Variants in TRIB3 observed in about 807,000 individuals in gnomAD.
TRIB3 encodes the protein tribbles pseudokinase 3.
TRIB3 carries 20 observed loss-of-function variants against 16.6 expected under a neutral mutation model. The observed-to-expected ratio is 1.20, with a 90% CI of 0.85 to 1.75. The LOEUF (loss-of-function observed/expected upper bound fraction) is 1.75, where lower values mean the gene tolerates loss of function less well. Ranked by LOEUF, TRIB3 falls within the 40% of genes most tolerant of loss-of-function variation. TRIB3 has a pLI of 0.00. For missense variants in TRIB3, 484 were observed against 488.9 expected (o/e 0.99, Z 0.10); for synonymous variants, 208 against 217.0 (o/e 0.96, Z 0.36).
rs199779823 is a variant in TRIB3, at chr20:391,486, G to T, written c.491G>T (p.Arg164Leu). Residue 164 changes from arginine (R) to leucine (L), a missense_variant, in exon 3 of 4, where the codon CGC becomes CTC. Physicochemically the swap from Arg to Leu is moderately radical, Grantham distance 102. Coordinates refer to ENST00000217233, the MANE Select transcript of TRIB3 (RefSeq NM_021158.5). ...IPEPEAAVLF[R>L]QMATALAHCH... ...GAGCCTGAGGCTGCCGTGCTCTTCC[G>T]CCAGATGGCCACCGCCCTGGCGCAC... 53 of 1,613,716 alleles carry T rather than the reference G, an allele frequency of 3.3e-5. No homozygotes were observed. The highest frequency in any genetic ancestry group is 6.7e-5 in the Admixed American group (4 of 60,012).
At chr20:394,212 G>A (rs547500398) in intron 3 of TRIB3, among the ~76,000 whole-genome samples, 2 of 152,104 alleles carry the variant, frequency 1.3e-5, no homozygotes, top group African/African-American at 4.8e-5. Flanking sequence ...TGTATTTTTA[G>A]TAGAGATGGG....
rs1425386651 is a variant in TRIB3, at chr20:391,488, C to T, written c.493C>T (p.Gln165Ter). The T allele has an allele frequency of 6.2e-7, 1 of 1,613,880 alleles. No individual in the cohort carries two copies. The highest frequency in any genetic ancestry group is 1.7e-5 in the Admixed American group (1 of 60,024). ...PEPEAAVLFR[Q>*]MATALAHCHQ... The stretch of plus-strand genomic sequence containing the variant: ...GCCTGAGGCTGCCGTGCTCTTCCGC[C>T]AGATGGCCACCGCCCTGGCGCACTG... Residue 165 changes from glutamine (Q) to a stop codon, truncating the protein, a stop_gained, in exon 3 of 4, where the codon CAG (glutamine) becomes TAG (stop). Transcript: ENST00000217233. LOFTEE classifies it high-confidence loss of function.
rs900423317 is a variant in TRIB3 at position 396,750 on chromosome 20, C to G, written c.*60C>G. ...GATTGAGTTTGGGGGTAGCTCCAAG[C>G]CTTCTCCTGCCTCTGAACTGAGCCA... On this transcript the variant is annotated 3_prime_UTR_variant, in exon 4 of 4. Coordinates refer to ENST00000217233, the MANE Select transcript of TRIB3 (RefSeq NM_021158.5). The G allele has an allele frequency of 1.3e-6, 2 of 1,540,040 alleles. No homozygotes were observed. The highest frequency in any genetic ancestry group is 1.9e-5 in the Admixed American group (1 of 53,402).
intron 1 of TRIB3, among the ~76,000 whole-genome samples, chr20:386,804 C>A (rs1341307502): frequency 6.6e-6 from 1 of 151,946 alleles, no homozygotes; most frequent in Non-Finnish European, 1.5e-5. Flanking sequence ...AACTCCTGAC[C>A]TCATGATCCA....
Position 396,554 on chromosome 20 carries a change from G to T in TRIB3, c.941G>T (p.Trp314Leu). The T allele has an allele frequency of 1.2e-6, 2 of 1,613,148 alleles. No individual in the cohort carries two copies. The highest frequency in any genetic ancestry group is 1.7e-6 in the Non-Finnish European group (2 of 1,180,026). The change falls in exon 4 of 4, where the codon TGG becomes TTG. Residue 314 changes from tryptophan to leucine, a missense_variant. By Grantham distance (61) the Trp-to-Leu change is moderately conservative (BLOSUM62 -2). Coordinates refer to ENST00000217233, the MANE Select transcript of TRIB3 (RefSeq NM_021158.5). The part of the protein sequence containing the change: ...LTATGILLHP[W>L]LRQDPMPLAP... ...GCCACAGGCATCCTCCTGCACCCCT[G>T]GCTGCGACAGGACCCGATGCCCTTA...
In TRIB3 at chr20:388,124, G is replaced by A. The variant is rs747312359; in HGVS notation, c.114G>A (p.Gly38=). ...ERPVQKRARS[G]PQPRLPPCLL... is the part of the protein sequence containing the mutation. ...CCGTCCAGAAACGAGCTCGAAGTGG[G>A]CCCCAGCCCAGACTGCCCCCCTGCC... The change falls in exon 2 of 4, where the codon GGG becomes GGA. Residue 38 remains glycine, a synonymous_variant. Transcript: ENST00000217233. The A allele has an allele frequency of 1.2e-6, 2 of 1,613,974 alleles. No individual in the cohort carries two copies. The highest frequency in any genetic ancestry group is 2.7e-5 in the African/African-American group (2 of 74,932).
chr20:388,425 A>G, intron 2 of TRIB3, 124 bp downstream of exon 2: 2 of 1,265,784 alleles, frequency 1.6e-6, no homozygotes, highest in South Asian at 1.5e-5. Flanking sequence ...TTAGTGGGGA[A>G]GCATCCAGGG....
At chr20:392,055 G>A (rs2014995799) in intron 3 of TRIB3, among the ~76,000 whole-genome samples, 1 of 151,850 alleles carries the variant, frequency 6.6e-6, no homozygotes, top group African/African-American at 2.4e-5. Context: ...CAGTCCTCTT[G>A]GGAGCCCCTT....
chr20:394,852 G>A (rs766079349), intron 3 of TRIB3, among the ~76,000 whole-genome samples: 19 of 151,982 alleles, frequency 1.3e-4, no homozygotes, highest in Non-Finnish European at 2.2e-4. Context: ...GGGACCGTGA[G>A]TTAGATAGAC....
intron 3 of TRIB3, among the ~76,000 whole-genome samples, chr20:395,920 C>T (rs1479877783): frequency 1.3e-5 from 2 of 152,214 alleles, no homozygotes; most frequent in Non-Finnish European, 2.9e-5. Flanking sequence ...TTAACCCTCT[C>T]AGCCCCATCA....
intron 1 of TRIB3, chr20:382,752 G>C: frequency 1.5e-6 from 1 of 689,592 alleles, no homozygotes; most frequent in Non-Finnish European, 2.6e-6. Flanking sequence ...TTGACCAGGG[G>C]TACCCCCCAG....
intron 1 of TRIB3, among the ~76,000 whole-genome samples, chr20:385,178 T>C (rs1448429045): frequency 2.0e-5 from 3 of 152,160 alleles, no homozygotes; most frequent in African/African-American, 7.2e-5. Context: ...AATGACACTA[T>C]CTCAGCTCAC....
chr20:392,428 T>G (rs2015005805), intron 3 of TRIB3, among the ~76,000 whole-genome samples: 1 of 152,064 alleles, frequency 6.6e-6, no homozygotes, highest in African/African-American at 2.4e-5. Flanking sequence ...TGTTAGGGTG[T>G]TTTCAGGATT....
intron 3 of TRIB3, 27 bp downstream of exon 3, chr20:391,606 C>T (rs1170473889): frequency 6.3e-7 from 1 of 1,592,462 alleles, no homozygotes. Flanking sequence ...AGACCCCAGC[C>T]ACAGACACAC....
Position 382,533 on chromosome 20 carries a change from A to G in TRIB3, c.-1+1364A>G, listed in dbSNP as rs1410688117. The stretch of plus-strand genomic sequence containing the variant: ...CAGCCTCGAACCTGGGGAGCTTTCT[A>G]AGACTCCCAAGGATGGTACTTATGC... On this transcript the variant is annotated intron_variant, in intron 1 of 3. Coordinates refer to ENST00000217233, the MANE Select transcript of TRIB3 (RefSeq NM_021158.5). 2.0e-6 allele frequency: 3 copies of G among 1,535,480 alleles called. No individual in the cohort carries two copies. In the African/African-American group the frequency reaches 4.1e-5, roughly 21 times the overall value.
In TRIB3 at chr20:396,317, C is replaced by T. The variant is rs377104264; in HGVS notation, c.704C>T (p.Ala235Val). 29 of 1,613,670 alleles carry T rather than the reference C, an allele frequency of 1.8e-5. No individual in the cohort carries two copies. The highest frequency in any genetic ancestry group is 3.3e-4 in the Middle Eastern group (2 of 6,082). The change falls in exon 4 of 4, where the codon GCC (alanine) becomes GTC (valine). Residue 235 changes from alanine to valine, a missense_variant. By Grantham distance (64) the Ala-to-Val change is moderately conservative (BLOSUM62 0). Coordinates refer to ENST00000217233, the MANE Select transcript of TRIB3 (RefSeq NM_021158.5). ...YVGPEILSSR[A>V]SYSGKAADVW... is the part of the protein sequence containing the mutation. ...GGACCTGAGATACTCAGCTCACGGG[C>T]CTCATACTCGGGCAAGGCAGCCGAT...
intron 1 of TRIB3, chr20:382,507 C>G (rs895790996): frequency 2.6e-6 from 4 of 1,534,486 alleles, no homozygotes; most frequent in Non-Finnish European, 3.5e-6. Flanking sequence ...GAGTGTCATC[C>G]CAGCCTCGAA....
intron 1 of TRIB3, among the ~76,000 whole-genome samples, chr20:387,422 A>G (rs1035862226): frequency 2.0e-5 from 3 of 151,926 alleles, no homozygotes; most frequent in Admixed American, 6.6e-5. Context: ...ATATTTATAT[A>G]TATTCTTTTT....
intron 2 of TRIB3, among the ~76,000 whole-genome samples, chr20:390,258 G>A (rs1305519534): frequency 6.6e-6 from 1 of 151,670 alleles, no homozygotes; most frequent in Non-Finnish European, 1.5e-5. Context: ...AACCTGGGAG[G>A]TGGAGGTTGC....
Sources: gnomAD v4.1 joint callset for allele counts (sites outside exome capture counted in the v4.1 genomes callset) on GRCh38, gnomAD v4.1.1 for gene constraint, MANE v1.5 for transcripts, NCBI Gene and HGNC (gene_info 2026-07-23, HGNC 2026-07-21) for gene names.